APC: variants seen among roughly 807,000 people sequenced by gnomAD.
APC encodes the protein APC regulator of Wnt signaling pathway.
APC carries 72 observed loss-of-function variants against 247.0 expected under a neutral mutation model. The observed-to-expected ratio is 0.29, with a 90% CI of 0.24 to 0.35. APC has a LOEUF of 0.35. Among genes scored for constraint, APC ranks in the 10% least tolerant of loss-of-function variants. APC has a pLI of 1.00. For missense variants in APC, 3,400 were observed against 3,360.7 expected (o/e 1.01, Z -0.29); for synonymous variants, 1,254 against 1,162.5 (o/e 1.08, Z -1.60).
chr5:112,765,297 A>G (rs985140896), intron 2 of APC, among the ~76,000 whole-genome samples: 1 of 151,942 alleles, frequency 6.6e-6, no homozygotes. Context: ...TTAATTTTGT[A>G]GGGACAGAGT....
chr5:112,758,396 G>A (rs1181508171), intron 2 of APC, among the ~76,000 whole-genome samples: 3 of 152,208 alleles, frequency 2.0e-5, no homozygotes, highest in East Asian at 1.9e-4. Context: ...GGGCAATCTC[G>A]GCTTGCTGCA....
In APC at chr5:112,844,041, G is replaced by A. The variant is rs769704991; in HGVS notation, c.8447G>A (p.Arg2816Gln). Residue 2816 changes from arginine to glutamine, a missense_variant, in exon 16 of 16, where the codon CGA (arginine) becomes CAA (glutamine). By Grantham distance (43) the Arg-to-Gln change is conservative. Around this residue, in one of 9 missense-constraint regions of APC, gnomAD observed 1,788 missense variants for 1,649.5 expected, o/e 1.08. Transcript: ENST00000257430. ...CCAGTGAATAACAACACAAAGAAGC[G>A]AGATTCCAAAACTGACAGCACAGAA... The part of the protein sequence containing the change: ...PTPVNNNTKK[R>Q]DSKTDSTESS... 3.1e-6 allele frequency: 5 copies of A among 1,602,342 alleles called. No homozygotes were observed. The Admixed American group carries it at 5.3e-5, about 17-fold the overall frequency.
chr5:112,779,954 C>T (rs1482067708), intron 5 of APC, among the ~76,000 whole-genome samples: 2 of 152,178 alleles, frequency 1.3e-5, no homozygotes, highest in African/African-American at 4.8e-5. Flanking sequence ...TAAGGGCACA[C>T]AGAAAATCTA....
chr5:112,810,258 G>C, intron 8 of APC: 1 of 384,544 alleles, frequency 2.6e-6, no homozygotes, highest in Non-Finnish European at 5.1e-6. Context: ...ACCTTAGATA[G>C]GAGGAGGGGA....
At chr5:112,707,968 C>T (rs2149632040) in intron 1 of APC, 1 of 1,238,398 alleles carries the variant, frequency 8.1e-7, no homozygotes, top group Non-Finnish European at 1.0e-6. Context: ...CTACGGTGCT[C>T]GGCCCGACTC....
chr5:112,800,994 A>G (rs1005462531), intron 7 of APC, among the ~76,000 whole-genome samples: 5 of 152,180 alleles, frequency 3.3e-5, no homozygotes, highest in African/African-American at 4.8e-5. Flanking sequence ...TGTTCCTGAT[A>G]GTAATGTGAG....
At chr5:112,836,101 A>C (rs1332602330) in intron 15 of APC, among the ~76,000 whole-genome samples, 2 of 119,748 alleles carry the variant, frequency 1.7e-5, no homozygotes, top group African/African-American at 6.6e-5. Context: ...GCTCACTGCA[A>C]CCTCTGCCTT....
Position 112,827,040 on chromosome 5 carries a change from T to G in APC, c.1409-68T>G, listed in dbSNP as rs1164066943. ...AGTTTTTTTTTCCTAGTATTTAAGTTACCAACTTGGTACCAGTTTGTTTTA... is the reference window on the plus strand; with the variant it reads ...AGTTTTTTTTTCCTAGTATTTAAGTGACCAACTTGGTACCAGTTTGTTTTA... On this transcript the variant is annotated intron_variant, in intron 11 of 15. Transcript: ENST00000257430. 14 of 1,535,828 alleles carry G rather than the reference T, an allele frequency of 9.1e-6. 1 individual carries two copies. The East Asian group carries it at 3.2e-4, about 35-fold the overall frequency.
chr5:112,747,639 C>T (rs1308109819), intron 1 of APC, among the ~76,000 whole-genome samples: 5 of 151,978 alleles, frequency 3.3e-5, no homozygotes, highest in African/African-American at 1.2e-4. Flanking sequence ...ATAGTAAAAA[C>T]AAAATAAAGA....
At chr5:112,782,059 C>A (rs996120641) in intron 6 of APC, among the ~76,000 whole-genome samples, 2 of 152,180 alleles carry the variant, frequency 1.3e-5, no homozygotes, top group African/African-American at 4.8e-5. Context: ...CTGATAAATA[C>A]ATACCCGAGA....
intron 6 of APC, chr5:112,783,619 C>G (rs889366349): frequency 5.8e-6 from 1 of 170,970 alleles, no homozygotes; most frequent in Non-Finnish European, 1.2e-5. Flanking sequence ...ATAGCAAGAC[C>G]CTGCCTCTAC....
At chr5:112,833,290 C>G (rs1764507952) in intron 14 of APC, among the ~76,000 whole-genome samples, 1 of 151,366 alleles carries the variant, frequency 6.6e-6, no homozygotes, top group Non-Finnish European at 1.5e-5. Flanking sequence ...TCAAGCGATT[C>G]CCCTGCCTCA....
In APC at chr5:112,807,760, C is replaced by T. The variant is rs563456093; in HGVS notation, c.834+6377C>T. Among the ~76,000 whole-genome samples, 8 of 152,244 alleles carry T rather than the reference C, an allele frequency of 5.3e-5. No homozygotes were observed. The South Asian group carries it at 1.7e-3, about 32-fold the overall frequency. Reference sequence around the variant, plus strand: ...GATTCATATCGACATGTAACCTATTCACCTTAACCTCCCATTTTATTTTTT... The same window carrying T: ...GATTCATATCGACATGTAACCTATTTACCTTAACCTCCCATTTTATTTTTT... On this transcript the variant is annotated intron_variant, in intron 8 of 15. Transcript: ENST00000257430.
At chr5:112,812,401 C>T (rs370865794) in intron 8 of APC, among the ~76,000 whole-genome samples, 35 of 152,322 alleles carry the variant, frequency 2.3e-4, no homozygotes, top group African/African-American at 7.0e-4. Flanking sequence ...GAGTCTCAGT[C>T]CCTCAGATCT....
At chr5:112,817,656 T>G (rs73218137) in intron 9 of APC, among the ~76,000 whole-genome samples, 3,709 of 152,324 alleles carry the variant, frequency 0.024, 165 homozygotes, top group African/African-American at 0.085. Flanking sequence ...CTGTTTCTTT[T>G]TGAAGTAATT....
In APC at chr5:112,766,845, A is replaced by G. The variant is rs80142737; in HGVS notation, c.221-344A>G. Among the ~76,000 whole-genome samples, 2 of 152,222 alleles carry G rather than the reference A, an allele frequency of 1.3e-5. No individual in the cohort carries two copies. Among genetic ancestry groups the G allele is most frequent in the Non-Finnish European group, 2.9e-5 (2 of 68,024 alleles). ...ATTCATTTTTAGCAGTTTTAAAAGG[A>G]TATCTTTCTCATTCTGTTGCTTGAA... On this transcript the variant is annotated intron_variant, in intron 3 of 15. Coordinates refer to ENST00000257430, the MANE Select transcript of APC (RefSeq NM_000038.6).
At chr5:112,774,568 C>T (rs541359793) in intron 4 of APC, among the ~76,000 whole-genome samples, 7 of 141,644 alleles carry the variant, frequency 4.9e-5, no homozygotes, top group Admixed American at 4.8e-4. Context: ...TCAAGTGATT[C>T]TCCCAGCTCA....
intron 1 of APC, among the ~76,000 whole-genome samples, chr5:112,725,433 T>C (rs554470649): frequency 5.3e-5 from 8 of 152,110 alleles, no homozygotes; most frequent in Non-Finnish European, 1.0e-4. Flanking sequence ...AATATCAGAA[T>C]AGTGTTAGAA....
chr5:112,825,299 C>G (rs1763530484), intron 11 of APC, among the ~76,000 whole-genome samples: 2 of 152,220 alleles, frequency 1.3e-5, no homozygotes, highest in South Asian at 4.1e-4. Context: ...ACTTCTCTTC[C>G]CATTTCCACT....
Sources: allele counts gnomAD v4.1 joint callset (sites outside exome capture counted in the v4.1 genomes callset), GRCh38; gene constraint gnomAD v4.1.1; regional missense constraint gnomAD v4.1.1; transcripts MANE v1.5; gene names NCBI Gene and HGNC (gene_info 2026-07-23, HGNC 2026-07-21).